The following TRPS1 variants were observed in gnomAD, a reference collection of about 807,000 sequenced individuals.
TRPS1 encodes zinc finger transcription factor Trps1.
TRPS1 carries 6 observed loss-of-function variants against 101.2 expected under a neutral mutation model. The ratio of observed to expected loss-of-function variants is 0.06; its 90% CI spans 0.03 to 0.12. The LOEUF is 0.12. Among genes scored for constraint, TRPS1 ranks in the 10% least tolerant of loss-of-function variants. The pLI is 1.00. For missense variants in TRPS1, 1,363 were observed against 1,567.0 expected (o/e 0.87, Z 2.20); for synonymous variants, 578 against 589.8 (o/e 0.98, Z 0.29).
At chr8:115,526,191 C>T (rs1162307934) in intron 5 of TRPS1, among the ~76,000 whole-genome samples, 1 of 152,080 alleles carries the variant, frequency 6.6e-6, no homozygotes, top group African/African-American at 2.4e-5. Flanking sequence ...TGCCTGTAAT[C>T]CCAGCTACTC....
At chr8:115,421,430 T>C (rs1001042035) in intron 5 of TRPS1, among the ~76,000 whole-genome samples, 1 of 152,230 alleles carries the variant, frequency 6.6e-6, no homozygotes, top group Non-Finnish European at 1.5e-5. Flanking sequence ...CCTTGAATCT[T>C]GTTATTGAAT....
intron 1 of TRPS1, among the ~76,000 whole-genome samples, chr8:115,629,886 T>C (rs1818600733): frequency 1.3e-5 from 2 of 151,892 alleles, no homozygotes. Context: ...AACCAATGCC[T>C]GGGGTCACAA....
chr8:115,527,381 C>T (rs762223710), intron 5 of TRPS1, among the ~76,000 whole-genome samples: 75 of 151,858 alleles, frequency 4.9e-4, no homozygotes, highest in Non-Finnish European at 1.1e-3. Context: ...ACTCCAAATG[C>T]GTGTGAGGCT....
chr8:115,495,467 T>A (rs892572143), intron 5 of TRPS1, among the ~76,000 whole-genome samples: 4 of 148,914 alleles, frequency 2.7e-5, no homozygotes, highest in South Asian at 4.2e-4. Flanking sequence ...GAAAAAAATA[T>A]ATATATATAT....
At position 115,413,820 on chromosome 8, in the gene TRPS1, T is replaced by G; in HGVS notation, c.*203A>C. 8.5e-6 allele frequency: 5 copies of G among 591,422 alleles called. 1 individual carries two copies. In the South Asian group the frequency reaches 1.1e-4, roughly 13 times the overall value. The allele number at this position is 591,422 out of a possible 1,614,324, so 36.6% of individuals were successfully genotyped here. On this transcript the variant is annotated 3_prime_UTR_variant, in exon 7 of 7. Transcript: ENST00000395715. ...AAAGTGATTGTTTACCATCTTCCAT[T>G]CTTTCTCATTGACCATTTATCTCAC...
At chr8:115,556,512 T>C (rs1455787215) in intron 5 of TRPS1, among the ~76,000 whole-genome samples, 1 of 152,164 alleles carries the variant, frequency 6.6e-6, no homozygotes, top group African/African-American at 2.4e-5. Context: ...ATTTATTCTG[T>C]GCTCTTTTGA....
chr8:115,575,437 G>A (rs780314267), intron 5 of TRPS1, among the ~76,000 whole-genome samples: 64 of 152,240 alleles, frequency 4.2e-4, no homozygotes, highest in Admixed American at 1.4e-3. Flanking sequence ...ATGTGCCTGT[G>A]TGTCTGTGTC....
chr8:115,632,623 T>C (rs1467936715), intron 1 of TRPS1, among the ~76,000 whole-genome samples: 1 of 152,158 alleles, frequency 6.6e-6, no homozygotes, highest in Non-Finnish European at 1.5e-5. Flanking sequence ...ATACAATACC[T>C]GTTCATACAA....
At chr8:115,542,385 G>A (rs931487664) in intron 5 of TRPS1, among the ~76,000 whole-genome samples, 8 of 151,896 alleles carry the variant, frequency 5.3e-5, no homozygotes, top group African/African-American at 1.5e-4. Context: ...CTGACTTTCC[G>A]AAATATTTAT....
At chr8:115,594,702 A>G (rs1292827838) in intron 4 of TRPS1, among the ~76,000 whole-genome samples, 1 of 151,952 alleles carries the variant, frequency 6.6e-6, no homozygotes, top group Admixed American at 6.6e-5. Flanking sequence ...AATGCACAAT[A>G]GTCTTTATTC....
chr8:115,645,415 T>A (rs1417163760), intron 1 of TRPS1, among the ~76,000 whole-genome samples: 1 of 152,184 alleles, frequency 6.6e-6, no homozygotes, highest in Non-Finnish European at 1.5e-5. Context: ...CTTATGATCA[T>A]GTAGGATATA....
chr8:115,647,528 C>T (rs187878287), intron 1 of TRPS1, among the ~76,000 whole-genome samples: 3 of 152,226 alleles, frequency 2.0e-5, no homozygotes, highest in South Asian at 2.1e-4. Flanking sequence ...GAAACTATTA[C>T]ATAAGGTAAA....
chr8:115,544,282 T>C (rs1816521389), intron 5 of TRPS1, among the ~76,000 whole-genome samples: 1 of 151,096 alleles, frequency 6.6e-6, no homozygotes, highest in Non-Finnish European at 1.5e-5. Flanking sequence ...GAAATGGGAG[T>C]TATAGTATCT....
At chr8:115,473,321 G>A (rs1481465910) in intron 5 of TRPS1, among the ~76,000 whole-genome samples, 2 of 152,142 alleles carry the variant, frequency 1.3e-5, no homozygotes, top group Middle Eastern at 3.2e-3. Flanking sequence ...CAAGCAAAGA[G>A]GGAAATGCCC....
At chr8:115,598,035 C>T (rs1260814818) in intron 4 of TRPS1, among the ~76,000 whole-genome samples, 2 of 152,098 alleles carry the variant, frequency 1.3e-5, no homozygotes, top group African/African-American at 4.8e-5. Flanking sequence ...CTTTTGATAT[C>T]TACAATTTTT....
intron 1 of TRPS1, chr8:115,668,038 A>G: frequency 4.3e-6 from 2 of 465,494 alleles, no homozygotes; most frequent in Admixed American, 3.0e-5. Flanking sequence ...AGCGAGGGGG[A>G]GTGGGGCTGC....
At chr8:115,488,361 C>G (rs935453313) in intron 5 of TRPS1, among the ~76,000 whole-genome samples, 1 of 152,076 alleles carries the variant, frequency 6.6e-6, no homozygotes, top group African/African-American at 2.4e-5. Context: ...TGGAACCAAG[C>G]CCACAGTTAT....
intron 5 of TRPS1, among the ~76,000 whole-genome samples, chr8:115,455,217 T>C (rs539648198): frequency 6.6e-6 from 1 of 152,326 alleles, no homozygotes; most frequent in Admixed American, 6.5e-5. Flanking sequence ...AAATCTCAGG[T>C]TGTAGCACTG....
intron 1 of TRPS1, among the ~76,000 whole-genome samples, chr8:115,636,923 A>G (rs2737230): frequency 0.47 from 71,010 of 151,412 alleles, 20,754 homozygotes; most frequent in African/African-American, 0.83. Flanking sequence ...AAAACAAAAC[A>G]AAACAAAAAA....
Sources: gnomAD v4.1 joint callset for allele counts (sites outside exome capture counted in the v4.1 genomes callset) on GRCh38, gnomAD v4.1.1 for gene constraint, MANE v1.5 for transcripts, NCBI Gene and HGNC (gene_info 2026-07-23, HGNC 2026-07-21) for gene names.